PCDHA10: variants seen among roughly 807,000 people sequenced by gnomAD.
The protein encoded by PCDHA10 is protocadherin alpha-10.
Under a neutral mutation model 61.2 loss-of-function variants are expected in PCDHA10, and 45 were observed. The observed-to-expected ratio is 0.74, with a 90% CI of 0.58 to 0.94. The LOEUF is 0.94. PCDHA10 is among the 40% of genes least tolerant of loss of function. The pLI is 0.00. For missense variants in PCDHA10, 1,278 were observed against 1,236.2 expected (o/e 1.03, Z -0.51); for synonymous variants, 602 against 548.8 (o/e 1.10, Z -1.35).
intron 2 of PCDHA10, among the ~76,000 whole-genome samples, chr5:140,979,601 C>T (rs1214449101): frequency 1.3e-5 from 2 of 152,160 alleles, no homozygotes; most frequent in African/African-American, 4.8e-5. Context: ...TTTAAATTAA[C>T]CTAGAGTAAC....
intron 1 of PCDHA10, among the ~76,000 whole-genome samples, chr5:140,925,189 C>T (rs1488098385): frequency 1.3e-5 from 2 of 152,116 alleles, no homozygotes; most frequent in Non-Finnish European, 1.5e-5. Context: ...TACCATCACC[C>T]AGCTTCAATA....
chr5:140,906,486 A>C (rs2072686991), intron 1 of PCDHA10, among the ~76,000 whole-genome samples: 1 of 152,270 alleles, frequency 6.6e-6, no homozygotes, highest in East Asian at 1.9e-4. Context: ...GTATAAATGC[A>C]CAAACATGTT....
rs2096720992 is a variant in PCDHA10 at position 140,976,533 on chromosome 5, A to G, written c.2389-2416A>G. 2.0e-5 allele frequency among the ~76,000 whole-genome samples: 3 copies of G among 152,170 alleles called. No homozygotes were observed. In the South Asian group the frequency reaches 6.2e-4, roughly 32 times the overall value. Reference sequence around the variant, plus strand: ...GCCACTGCACACCAGCCTAAATGACAGAGTAAGACCCTATCTCATAAATAA... The same window carrying G: ...GCCACTGCACACCAGCCTAAATGACGGAGTAAGACCCTATCTCATAAATAA... On this transcript the variant is annotated intron_variant, in intron 1 of 3. Coordinates refer to ENST00000307360, the MANE Select transcript of PCDHA10 (RefSeq NM_018901.4).
At chr5:140,991,022 C>T (rs1324609159) in intron 3 of PCDHA10, among the ~76,000 whole-genome samples, 1 of 152,164 alleles carries the variant, frequency 6.6e-6, no homozygotes, top group Non-Finnish European at 1.5e-5. Flanking sequence ...AAGCACTTTA[C>T]ATATGTTGCA....
chr5:140,883,065 C>T, intron 1 of PCDHA10: 1 of 1,614,056 alleles, frequency 6.2e-7, no homozygotes, highest in Non-Finnish European at 8.5e-7. Flanking sequence ...AAGCTAAATG[C>T]CACAGATCCT....
chr5:140,900,734 G>C (rs2068260899), intron 1 of PCDHA10, among the ~76,000 whole-genome samples: 1 of 152,200 alleles, frequency 6.6e-6, no homozygotes, highest in African/African-American at 2.4e-5. Flanking sequence ...CTAGCAGTGG[G>C]ATTTCTGGAT....
Position 140,877,714 on chromosome 5 carries a change from T to G in PCDHA10, c.2388+19278T>G, listed in dbSNP as rs781999747. 3.1e-6 allele frequency: 5 copies of G among 1,613,836 alleles called. No homozygotes were observed. The highest frequency in any genetic ancestry group is 4.2e-6 in the Non-Finnish European group (5 of 1,179,978). ...GGTGTGCTCCAGCGCCGTGGGGAGTTGGTCTTACTCGCAGCAGAGGAGGCA... is the reference window on the plus strand; with the variant it reads ...GGTGTGCTCCAGCGCCGTGGGGAGTGGGTCTTACTCGCAGCAGAGGAGGCA... On this transcript the variant is annotated intron_variant, in intron 1 of 3. Coordinates refer to ENST00000307360, the MANE Select transcript of PCDHA10 (RefSeq NM_018901.4).
intron 1 of PCDHA10, chr5:140,927,638 G>A (rs781909639): frequency 1.2e-6 from 2 of 1,614,142 alleles, no homozygotes; most frequent in Admixed American, 1.7e-5. Context: ...GCACCCAATG[G>A]GACTGTGTTA....
chr5:141,002,047 C>A (rs1449885583), intron 3 of PCDHA10, among the ~76,000 whole-genome samples: 2 of 152,202 alleles, frequency 1.3e-5, no homozygotes, highest in Non-Finnish European at 2.9e-5. Flanking sequence ...TCCTGGGCAT[C>A]CAGAGGCAGC....
intron 1 of PCDHA10, chr5:140,926,342 G>T (rs1238404747): frequency 6.6e-6 from 1 of 152,270 alleles, no homozygotes; most frequent in Admixed American, 6.5e-5. Flanking sequence ...GCCGGGACCC[G>T]ACGCGCGGCT....
At chr5:140,876,567 G>A (rs782286416) in intron 1 of PCDHA10, 1 of 1,614,186 alleles carries the variant, frequency 6.2e-7, no homozygotes, top group Non-Finnish European at 8.5e-7. Context: ...ATGCTCAGGT[G>A]GGTACCGTCA....
At chr5:141,006,644 T>C (rs1411431797) in intron 3 of PCDHA10, among the ~76,000 whole-genome samples, 3 of 152,084 alleles carry the variant, frequency 2.0e-5, no homozygotes, top group African/African-American at 7.2e-5. Context: ...ATATAAGAGA[T>C]GATGGTGTCC....
chr5:140,969,307 A>C (rs2096316993), intron 1 of PCDHA10: 1 of 1,614,192 alleles, frequency 6.2e-7, no homozygotes, highest in Non-Finnish European at 8.5e-7. Flanking sequence ...TTATTCTCAA[A>C]AATGAGGCTG....
chr5:140,917,328 GGA>G lies in PCDHA10; in HGVS notation c.2388+58894_2388+58895del, dbSNP rs371938358. On this transcript the variant is annotated intron_variant, in intron 1 of 3. Transcript: ENST00000307360. ...TACAATTTGGTGTTCATGTGGCGGGGGAGGGGGGGGATGGTGTAGGCTTCTGT... is the reference window on the plus strand; with the variant it reads ...TACAATTTGGTGTTCATGTGGCGGGGGGGGGGGGATGGTGTAGGCTTCTGT... 4.7e-4 allele frequency among the ~76,000 whole-genome samples: 70 copies of G among 148,990 alleles called. 3 individuals are homozygous for G. Among genetic ancestry groups the G allele is most frequent in the African/African-American group, 1.3e-3 (53 of 40,184 alleles).
chr5:140,857,813 G>C lies in PCDHA10; in HGVS notation c.1765G>C (p.Val589Leu). 3 of 1,597,816 alleles carry C rather than the reference G, an allele frequency of 1.9e-6. No homozygotes were observed. The highest frequency in any genetic ancestry group is 2.6e-6 in the Non-Finnish European group (3 of 1,167,598). The change falls in exon 1 of 4, where the codon GTG becomes CTG. Residue 589 changes from valine to leucine, a missense_variant. Transcript: ENST00000307360. ...GCTGCGGTCGGTGGTTGCGGGTCAC[G>C]TGGTGGCTAAGGTGCGCGCAGTGGA... is the stretch of plus-strand genomic sequence containing the variant. ...LVLRSVVAGH[V>L]VAKVRAVDAD...
At chr5:140,874,045 A>C (rs1365438306) in intron 1 of PCDHA10, among the ~76,000 whole-genome samples, 1 of 152,212 alleles carries the variant, frequency 6.6e-6, no homozygotes, top group East Asian at 1.9e-4. Flanking sequence ...CTTGGTGATG[A>C]TATTAGACAA....
chr5:140,876,732 C>T, intron 1 of PCDHA10: 1 of 1,614,246 alleles, frequency 6.2e-7, no homozygotes, highest in South Asian at 1.1e-5. Context: ...GCGTGTCGGC[C>T]TATGAGCTGG....
intron 1 of PCDHA10, among the ~76,000 whole-genome samples, chr5:140,941,737 T>A (rs1221306435): frequency 3.9e-5 from 6 of 152,234 alleles, no homozygotes; most frequent in Admixed American, 2.0e-4. Context: ...TTCCCCATTA[T>A]CTTATCAGAT....
In PCDHA10 at chr5:140,857,194, A is replaced by G. The variant is rs187713139; in HGVS notation, c.1146A>G (p.Gly382=). Residue 382 remains glycine (G), a synonymous_variant, in exon 1 of 4, where the codon GGA becomes GGG. Transcript: ENST00000307360. ...CTGACCATGATTCAGGAGCCAACGG[A>G]CAGGTCACCTGCTCTCTGACGCCTC... ...SVSDHDSGAN[G]QVTCSLTPHV... is the part of the protein sequence containing the mutation. 4 of 1,598,542 alleles carry G rather than the reference A, an allele frequency of 2.5e-6. 1 individual carries two copies. The highest frequency in any genetic ancestry group is 1.3e-5 in the African/African-American group (1 of 74,440).
Sources: allele counts gnomAD v4.1 joint callset (sites outside exome capture counted in the v4.1 genomes callset), GRCh38; gene constraint gnomAD v4.1.1; transcripts MANE v1.5; gene names NCBI Gene and HGNC (gene_info 2026-07-23, HGNC 2026-07-21).